The following SFMBT2 variants were observed in gnomAD, a reference collection of about 807,000 sequenced individuals.
SFMBT2 encodes Scm like with four mbt domains 2.
Under a neutral mutation model 110.1 loss-of-function variants are expected in SFMBT2, and 38 were observed. The ratio of observed to expected loss-of-function variants is 0.35; its 90% CI spans 0.27 to 0.45. The LOEUF (loss-of-function observed/expected upper bound fraction) is 0.45. Among genes scored for constraint, SFMBT2 ranks in the 20% least tolerant of loss-of-function variants. The pLI, the probability that SFMBT2 is intolerant of heterozygous loss-of-function variation, is 1.00. For synonymous variants in SFMBT2, 425 were observed against 425.4 expected (o/e 1.00, Z 0.01); for missense variants, 1,011 against 1,094.9 (o/e 0.92, Z 1.08).
intron 1 of SFMBT2, among the ~76,000 whole-genome samples, chr10:7,410,050 C>A (rs576004298): frequency 6.6e-6 from 1 of 152,130 alleles, no homozygotes; most frequent in Non-Finnish European, 1.5e-5. Context: ...AACATACACA[C>A]ACATACACAT....
Position 7,163,725 on chromosome 10 carries a change from C to G in SFMBT2, c.*45G>C, listed in dbSNP as rs368250655. 1.3e-5 allele frequency: 21 copies of G among 1,563,530 alleles called. No homozygotes were observed. Among genetic ancestry groups the G allele is most frequent in the Non-Finnish European group, 1.8e-5 (21 of 1,138,348 alleles). ...AAGTTTCAGTCCTGGAAACCTTTAC[C>G]AACACCGCATCCCAGCAATAATGGG... On this transcript the variant is annotated 3_prime_UTR_variant, in exon 21 of 21. Transcript: ENST00000397167. The surrounding 1 kb of genome is among the most constrained non-coding windows in gnomAD (Gnocchi z 4.8).
chr10:7,277,533 A>G (rs76405470), intron 6 of SFMBT2: 4,691 of 201,790 alleles, frequency 0.023, 242 homozygotes, highest in African/African-American at 0.1. Flanking sequence ...TTTACACTTG[A>G]AATGTTGCTT....
intron 11 of SFMBT2, among the ~76,000 whole-genome samples, chr10:7,210,048 C>A (rs1839286957): frequency 6.6e-6 from 1 of 152,240 alleles, no homozygotes; most frequent in African/African-American, 2.4e-5. Context: ...TCCGTACTCA[C>A]AATCTAAATT....
At chr10:7,369,195 T>C (rs1235651775) in intron 3 of SFMBT2, among the ~76,000 whole-genome samples, 1 of 152,144 alleles carries the variant, frequency 6.6e-6, no homozygotes, top group East Asian at 1.9e-4. Flanking sequence ...GGAATCAAAG[T>C]TCTGGCTTCT....
chr10:7,223,637 A>C (rs1264282764), intron 10 of SFMBT2, among the ~76,000 whole-genome samples: 1 of 152,086 alleles, frequency 6.6e-6, no homozygotes, highest in Non-Finnish European at 1.5e-5. Flanking sequence ...GTTGATTTCA[A>C]ATATTGTATT....
At chr10:7,376,997 C>T (rs1216009992) in intron 2 of SFMBT2, among the ~76,000 whole-genome samples, 5 of 151,028 alleles carry the variant, frequency 3.3e-5, no homozygotes. Flanking sequence ...GGTGAAACCC[C>T]ATCTCTACTA....
chr10:7,181,330 T>C (rs1018700788), intron 16 of SFMBT2, among the ~76,000 whole-genome samples: 3 of 150,190 alleles, frequency 2.0e-5, no homozygotes, highest in Non-Finnish European at 4.4e-5. Flanking sequence ...AGTGTCAACA[T>C]AATATAAGTA....
Position 7,369,977 on chromosome 10 carries a change from C to T in SFMBT2, c.195+304G>A, listed in dbSNP as rs114775873. 5.0e-3 allele frequency among the ~76,000 whole-genome samples: 757 copies of T among 152,274 alleles called. 4 individuals are homozygous for T. The highest frequency in any genetic ancestry group is 0.017 in the African/African-American group (723 of 41,556). On this transcript the variant is annotated intron_variant, in intron 3 of 20. Transcript: ENST00000397167. Reference sequence around the variant, plus strand: ...TGGGCTCAAGTGACCCTCCCCACCTCGGCCCCCCAAGTAGCTGGGACTACA... The same window carrying T: ...TGGGCTCAAGTGACCCTCCCCACCTTGGCCCCCCAAGTAGCTGGGACTACA...
chr10:7,205,790 C>A (rs754052148), intron 12 of SFMBT2, 25 bp downstream of exon 12: 3 of 1,608,000 alleles, frequency 1.9e-6, no homozygotes, highest in Admixed American at 1.7e-5. Context: ...TGTCATCCAC[C>A]CCCCCTCAAC....
intron 1 of SFMBT2, among the ~76,000 whole-genome samples, chr10:7,385,576 A>G (rs986485753): frequency 6.6e-6 from 1 of 152,218 alleles, no homozygotes; most frequent in Non-Finnish European, 1.5e-5. Context: ...CGGAGCCCCA[A>G]AAACAATGAT....
At chr10:7,254,624 A>G (rs1282659446) in intron 7 of SFMBT2, among the ~76,000 whole-genome samples, 1 of 152,106 alleles carries the variant, frequency 6.6e-6, no homozygotes, top group Non-Finnish European at 1.5e-5. Context: ...GATCGAGACC[A>G]TCCTGGCCAA....
intron 4 of SFMBT2, among the ~76,000 whole-genome samples, chr10:7,333,768 C>G (rs1843634106): frequency 1.3e-5 from 2 of 151,116 alleles, no homozygotes; most frequent in South Asian, 4.2e-4. Context: ...CCCACCCCAG[C>G]TCCCCACAGG....
At chr10:7,164,050 G>C in intron 20 of SFMBT2, 140 bp from the exon 21 acceptor site, 4 of 1,383,576 alleles carry the variant, frequency 2.9e-6, no homozygotes, top group East Asian at 2.8e-5. Context: ...TGTTGGTAGA[G>C]ATACCAGCCC....
chr10:7,394,496 G>T (rs1386406223), intron 1 of SFMBT2, among the ~76,000 whole-genome samples: 1 of 151,042 alleles, frequency 6.6e-6, no homozygotes, highest in Non-Finnish European at 1.5e-5. Context: ...ATGCCTACTG[G>T]TCACATGACC....
At chr10:7,365,044 T>G (rs1374365939) in intron 4 of SFMBT2, among the ~76,000 whole-genome samples, 2 of 152,138 alleles carry the variant, frequency 1.3e-5, no homozygotes, top group African/African-American at 4.8e-5. Flanking sequence ...GATCTAACAA[T>G]CTCCCTCAGG....
intron 8 of SFMBT2, among the ~76,000 whole-genome samples, chr10:7,245,039 A>T (rs1321079895): frequency 6.6e-6 from 1 of 152,100 alleles, no homozygotes; most frequent in African/African-American, 2.4e-5. Context: ...CTGAAAACTG[A>T]TGCACGGCGA....
In SFMBT2 at chr10:7,315,114, G is replaced by GAAAGAA. The variant is rs1564435713; in HGVS notation, c.437-29161_437-29160insTTCTTT. Among the ~76,000 whole-genome samples the GAAAGAA allele has an allele frequency of 5.1e-3, 596 of 115,898 alleles. 2 individuals carry two copies. Among genetic ancestry groups the GAAAGAA allele is most frequent in the Non-Finnish European group, 6.9e-3 (345 of 50,254 alleles). 76.0% of individuals were successfully genotyped at this position (115,898 alleles called of 152,430 possible). On this transcript the variant is annotated intron_variant, in intron 4 of 20. Transcript: ENST00000397167. ...AAAGAAAGAAAGAAAGAAAGAAAAA[G>GAAAGAA]CAAGCAAGCAAGCCAGCCAATCCGG...
intron 4 of SFMBT2, among the ~76,000 whole-genome samples, chr10:7,299,625 G>A (rs890056797): frequency 1.3e-5 from 2 of 152,124 alleles, no homozygotes; most frequent in African/African-American, 4.8e-5. Flanking sequence ...ACGCTTTTAC[G>A]CTGTTGGTGG....
chr10:7,339,165 G>A (rs892282828), intron 4 of SFMBT2, among the ~76,000 whole-genome samples: 4 of 152,154 alleles, frequency 2.6e-5, no homozygotes, highest in African/African-American at 7.2e-5. Context: ...ACTTGAACCC[G>A]GGAGGCGGAG....
Sources: allele counts gnomAD v4.1 joint callset (sites outside exome capture counted in the v4.1 genomes callset), GRCh38; gene constraint gnomAD v4.1.1; non-coding constraint Gnocchi (gnomAD v3.1); transcripts MANE v1.5; gene names NCBI Gene and HGNC (gene_info 2026-07-23, HGNC 2026-07-21).